Variants in UBTD2 observed in about 807,000 individuals in gnomAD.
The protein encoded by UBTD2 is ubiquitin domain-containing protein 2.
A neutral mutation model predicts 19.8 loss-of-function variants in UBTD2; 9 were observed. That is an observed-to-expected ratio of 0.46 (90% CI 0.27 to 0.79). UBTD2 has a LOEUF of 0.79. UBTD2 is among the 30% of genes least tolerant of loss of function. UBTD2 has a pLI of 0.14. For synonymous variants in UBTD2, 98 were observed against 103.9 expected, an observed-to-expected ratio of 0.94 and a Z score of 0.35; for missense variants, 250 against 300.4, an observed-to-expected ratio of 0.83 and a Z score of 1.24.
At chr5:172,212,502 A>G (rs1391073926) in intron 2 of UBTD2, among the ~76,000 whole-genome samples, 1 of 152,240 alleles carries the variant, frequency 6.6e-6, no homozygotes, top group African/African-American at 2.4e-5. Context: ...ACTCAAATGT[A>G]CTACTAATAT....
intron 1 of UBTD2, among the ~76,000 whole-genome samples, chr5:172,247,813 A>G (rs1267263204): frequency 6.6e-6 from 1 of 152,210 alleles, no homozygotes; most frequent in African/African-American, 2.4e-5. Flanking sequence ...GGAGACTTGA[A>G]CACTATAAAC....
intron 1 of UBTD2, among the ~76,000 whole-genome samples, chr5:172,260,331 AT>A (rs140123853): frequency 0.059 from 8,901 of 152,054 alleles, 824 homozygotes; most frequent in African/African-American, 0.2. Context: ...TCTTCGAGCA[AT>A]TATGAAACTT....
Position 172,271,848 on chromosome 5 carries a change from G to C in UBTD2, c.70+11748C>G, listed in dbSNP as rs573893420. ...TGATCTGAACCAATGCAAAGAAATAGTCTCACCTTGCTTATACCTAAAAGC... is the reference window on the plus strand; with the variant it reads ...TGATCTGAACCAATGCAAAGAAATACTCTCACCTTGCTTATACCTAAAAGC... On this transcript the variant is annotated intron_variant, in intron 1 of 2. Transcript: ENST00000393792. Among the ~76,000 whole-genome samples the C allele has an allele frequency of 4.6e-5, 7 of 152,226 alleles. No homozygotes were observed. In the South Asian group the frequency reaches 1.2e-3, roughly 27 times the overall value.
chr5:172,247,589 C>CA (rs1240231820), intron 1 of UBTD2, among the ~76,000 whole-genome samples: 1 of 152,088 alleles, frequency 6.6e-6, no homozygotes, highest in East Asian at 1.9e-4. Context: ...GACTTTAAGA[C>CA]AAACATTTTT....
chr5:172,269,549 T>C (rs1355724026), intron 1 of UBTD2, among the ~76,000 whole-genome samples: 1 of 151,164 alleles, frequency 6.6e-6, no homozygotes, highest in African/African-American at 2.4e-5. Context: ...TTGGTAAAGA[T>C]GGTCTATCCA....
At position 172,277,007 on chromosome 5, in the gene UBTD2, T is replaced by C. The variant is rs575077148; in HGVS notation, c.70+6589A>G. On this transcript the variant is annotated intron_variant, in intron 1 of 2. Coordinates refer to ENST00000393792, the MANE Select transcript of UBTD2 (RefSeq NM_152277.3). ...TTGCTTCAACCTGGGAGGCGGAGATTGCAGTCAGCCGAGATCATGCCACTG... is the reference window on the plus strand; with the variant it reads ...TTGCTTCAACCTGGGAGGCGGAGATCGCAGTCAGCCGAGATCATGCCACTG... 4.2e-3 allele frequency among the ~76,000 whole-genome samples: 552 copies of C among 131,464 alleles called. 1 individual carries two copies. Among genetic ancestry groups the C allele is most frequent in the African/African-American group, 0.015 (503 of 33,338 alleles). 86.2% of individuals were successfully genotyped at this position (131,464 alleles called of 152,430 possible). A position where few individuals can be genotyped will look rare whatever the true frequency, so the allele number is the denominator to read the frequency against.
chr5:172,225,899 T>C (rs1186828758), intron 2 of UBTD2, among the ~76,000 whole-genome samples: 1 of 151,664 alleles, frequency 6.6e-6, no homozygotes, highest in Non-Finnish European at 1.5e-5. Flanking sequence ...TCTTTGCTCC[T>C]GACTTCTCTT....
intron 1 of UBTD2, among the ~76,000 whole-genome samples, chr5:172,239,275 C>G (rs1772075439): frequency 6.6e-6 from 1 of 152,168 alleles, no homozygotes. Context: ...CGTACTAGAA[C>G]ACACATGCCC....
chr5:172,263,742 G>A (rs1308188081), intron 1 of UBTD2, among the ~76,000 whole-genome samples: 3 of 152,070 alleles, frequency 2.0e-5, no homozygotes, highest in Admixed American at 1.3e-4. Flanking sequence ...TCAGTGAGCC[G>A]AGATCGCGCC....
At chr5:172,280,414 G>A (rs1392362211) in intron 1 of UBTD2, among the ~76,000 whole-genome samples, 1 of 149,714 alleles carries the variant, frequency 6.7e-6, no homozygotes, top group Non-Finnish European at 1.5e-5. Context: ...GGAGGCTAAG[G>A]TAGGAGAATC....
At chr5:172,241,198 G>A (rs75150265) in intron 1 of UBTD2, among the ~76,000 whole-genome samples, 19 of 151,940 alleles carry the variant, frequency 1.3e-4, no homozygotes, top group Admixed American at 7.9e-4. Flanking sequence ...TGGATCACCC[G>A]AGGTCAGGAG....
chr5:172,212,030 G>A lies in UBTD2; in HGVS notation c.505C>T (p.Arg169Cys), dbSNP rs574348285. The change falls in exon 3 of 3, where the codon CGC (arginine) becomes TGC (cysteine). Residue 169 changes from arginine (R) to cysteine (C), a missense_variant. Coordinates refer to ENST00000393792, the MANE Select transcript of UBTD2 (RefSeq NM_152277.3). ...ATGTGGAATACTGTGTCTGTGCTGC[G>A]AACCACAAGCTTGAGGTCTTTGCCT... ...STGKDLKLVV[R>C]STDTVFHMKR... 11 of 1,614,188 alleles carry A rather than the reference G, an allele frequency of 6.8e-6. No individual in the cohort carries two copies. The highest frequency in any genetic ancestry group is 5.3e-5 in the African/African-American group (4 of 75,044).
chr5:172,232,141 CACATGCCTGTAATCCCAGCT>C (rs1771913492), intron 2 of UBTD2, among the ~76,000 whole-genome samples: 1 of 152,014 alleles, frequency 6.6e-6, no homozygotes, highest in African/African-American at 2.4e-5. Context: ...GGCCTGGTGG[CACATGCCTGTAATCCCAGCT>C]ACTTGGGAGG....
intron 1 of UBTD2, among the ~76,000 whole-genome samples, chr5:172,264,202 C>T (rs900603486): frequency 2.6e-5 from 4 of 151,964 alleles, no homozygotes; most frequent in Non-Finnish European, 5.9e-5. Flanking sequence ...AATAACTTGT[C>T]GTCAGATTGT....
At chr5:172,272,753 A>T (rs553940858) in intron 1 of UBTD2, among the ~76,000 whole-genome samples, 1 of 152,350 alleles carries the variant, frequency 6.6e-6, no homozygotes, top group East Asian at 1.9e-4. Context: ...TAATAAAATC[A>T]GCCAGATTTA....
At chr5:172,241,449 C>T (rs1441561820) in intron 1 of UBTD2, among the ~76,000 whole-genome samples, 1 of 150,890 alleles carries the variant, frequency 6.6e-6, no homozygotes, top group Non-Finnish European at 1.5e-5. Flanking sequence ...CCACTATCTC[C>T]ACTTTTAACA....
chr5:172,260,008 G>A (rs113741962), intron 1 of UBTD2, among the ~76,000 whole-genome samples: 13,816 of 151,772 alleles, frequency 0.091, 640 homozygotes, highest in Admixed American at 0.12. Context: ...AGCCAAGATC[G>A]TGCCACTGCA....
intron 1 of UBTD2, among the ~76,000 whole-genome samples, chr5:172,269,944 G>A (rs1259262995): frequency 6.6e-6 from 1 of 151,564 alleles, no homozygotes; most frequent in African/African-American, 2.4e-5. Context: ...GGGCATGGTT[G>A]CGCATGCCTG....
intron 1 of UBTD2, among the ~76,000 whole-genome samples, chr5:172,280,000 C>T (rs1315953160): frequency 6.6e-6 from 1 of 152,038 alleles, no homozygotes; most frequent in African/African-American, 2.4e-5. Context: ...ACTTGGGAGG[C>T]TGAGGCAGGA....
Sources: gnomAD v4.1 joint callset for allele counts (sites outside exome capture counted in the v4.1 genomes callset) on GRCh38, gnomAD v4.1.1 for gene constraint, MANE v1.5 for transcripts, NCBI Gene and HGNC (gene_info 2026-07-23, HGNC 2026-07-21) for gene names.